The following TBC1D12 variants were observed in gnomAD, a reference collection of about 807,000 sequenced individuals.
TBC1D12 encodes the protein TBC1 domain family, member 12.
A neutral mutation model predicts 86.7 loss-of-function variants in TBC1D12; 56 were observed. That is an observed-to-expected ratio of 0.65 (90% CI 0.52 to 0.81). The LOEUF (loss-of-function observed/expected upper bound fraction) is 0.81, where lower values mean the gene tolerates loss of function less well. TBC1D12 is among the 30% of genes least tolerant of loss of function. The probability of loss-of-function intolerance (pLI) is 0.00; values close to 1 mark genes in which losing one functional copy is unlikely to be tolerated. For synonymous variants in TBC1D12, 421 were observed against 411.7 expected (o/e 1.02, Z -0.27); for missense variants, 1,023 against 1,038.8 (o/e 0.98, Z 0.21).
In TBC1D12 at chr10:94,505,377, A is replaced by G. The variant is rs184060450; in HGVS notation, c.1520-1890A>G. The stretch of plus-strand genomic sequence containing the variant: ...GTGGATCACATGAGGCCAGGAGTTC[A>G]AGACCAGCCTGGCCAACATGGTGAA... On this transcript the variant is annotated intron_variant, in intron 6 of 12. Coordinates refer to ENST00000225235, the MANE Select transcript of TBC1D12 (RefSeq NM_015188.2). Among the ~76,000 whole-genome samples, 33 of 152,248 alleles carry G rather than the reference A, an allele frequency of 2.2e-4. No homozygotes were observed. In the East Asian group the frequency reaches 5.2e-3, roughly 24 times the overall value.
At chr10:94,445,828 A>C (rs1034292724) in intron 2 of TBC1D12, among the ~76,000 whole-genome samples, 1 of 151,728 alleles carries the variant, frequency 6.6e-6, no homozygotes, top group African/African-American at 2.4e-5. Flanking sequence ...GGTGCCTATA[A>C]TTCCAGCTGC....
At chr10:94,489,204 C>G (rs1316600816) in intron 3 of TBC1D12, among the ~76,000 whole-genome samples, 1 of 152,218 alleles carries the variant, frequency 6.6e-6, no homozygotes, top group Non-Finnish European at 1.5e-5. Context: ...GGCGCTTCCC[C>G]TCTGGCTAGT....
At chr10:94,467,390 G>A (rs968264686) in intron 2 of TBC1D12, among the ~76,000 whole-genome samples, 3 of 151,808 alleles carry the variant, frequency 2.0e-5, no homozygotes, top group South Asian at 2.1e-4. Flanking sequence ...GCACCACCAC[G>A]CCCGGCTAAT....
chr10:94,479,855 A>G (rs1254268285), intron 3 of TBC1D12, among the ~76,000 whole-genome samples: 1 of 152,220 alleles, frequency 6.6e-6, no homozygotes, highest in African/African-American at 2.4e-5. Flanking sequence ...GAATTTAAGT[A>G]TGTAAGTAGC....
chr10:94,508,708 T>G (rs951390847), intron 7 of TBC1D12: 1 of 152,178 alleles, frequency 6.6e-6, no homozygotes, highest in African/African-American at 2.4e-5. Context: ...AAATTTATTA[T>G]TATTTTTTTC....
At chr10:94,432,912 T>G (rs1050609722) in intron 1 of TBC1D12, among the ~76,000 whole-genome samples, 1 of 152,100 alleles carries the variant, frequency 6.6e-6, no homozygotes, top group African/African-American at 2.4e-5. Context: ...GTCCAAAATA[T>G]CCTTATAAGT....
In TBC1D12 at chr10:94,402,553, TGG is replaced by T; in HGVS notation, c.-60_-59del. 6.3e-7 allele frequency: 1 copy of T among 1,581,640 alleles called. No homozygotes were observed. The highest frequency in any genetic ancestry group is 8.6e-7 in the Non-Finnish European group (1 of 1,163,690). ...GGCCCCAGCACCCAGAGCTGTTCTC[TGG>T]CCAAGCCTGCGCCTGTAGTCCTTCT... On this transcript the variant is annotated 5_prime_UTR_variant, in exon 1 of 13. Coordinates refer to ENST00000225235, the MANE Select transcript of TBC1D12 (RefSeq NM_015188.2).
At chr10:94,492,202 A>G (rs951028878) in intron 3 of TBC1D12, among the ~76,000 whole-genome samples, 5 of 152,156 alleles carry the variant, frequency 3.3e-5, no homozygotes, top group Non-Finnish European at 7.4e-5. Context: ...ATGTATAGGA[A>G]AAAACCTGGT....
chr10:94,518,531 C>T (rs762050383), intron 9 of TBC1D12, among the ~76,000 whole-genome samples: 30 of 152,238 alleles, frequency 2.0e-4, no homozygotes, highest in African/African-American at 6.5e-4. Context: ...GTTTGCGGAA[C>T]GACCCTCAAC....
rs1023617026 is a variant in TBC1D12, at chr10:94,403,348, G to A, written c.735G>A (p.Glu245=). ...GAGTCGGCGCCGGGGGTCCCGAGGA[G>A]GGCGCGCCCCCTGCCACCTCGGCCG... ...QRGVGAGGPE[E]GAPPATSAER... Residue 245 remains glutamate, a synonymous_variant, in exon 1 of 13, where the codon GAG becomes GAA. Coordinates refer to ENST00000225235, the MANE Select transcript of TBC1D12 (RefSeq NM_015188.2). The A allele has an allele frequency of 6.6e-7, 1 of 1,524,724 alleles. No homozygotes were observed. The highest frequency in any genetic ancestry group is 8.8e-7 in the Non-Finnish European group (1 of 1,136,806). The allele number at this position is 1,524,724 out of a possible 1,614,324, so 94.4% of individuals were successfully genotyped here. A position where few individuals can be genotyped will look rare whatever the true frequency, so the allele number is the denominator to read the frequency against.
chr10:94,501,101 A>AATAG (rs2056390569), intron 6 of TBC1D12, among the ~76,000 whole-genome samples: 1 of 151,098 alleles, frequency 6.6e-6, no homozygotes, highest in Admixed American at 6.6e-5. Flanking sequence ...TGAATGAATA[A>AATAG]ATAAATAAAT....
At position 94,425,274 on chromosome 10, in the gene TBC1D12, G is replaced by A. The variant is rs908425215; in HGVS notation, c.972-16622G>A. On this transcript the variant is annotated intron_variant, in intron 1 of 12. Transcript: ENST00000225235. ...TGCAAAATGAGGGAGTTTTTTTGGCGTGATGGAAGTGTTCTATACCTGAAT... is the reference window on the plus strand; with the variant it reads ...TGCAAAATGAGGGAGTTTTTTTGGCATGATGGAAGTGTTCTATACCTGAAT... Among the ~76,000 whole-genome samples the A allele has an allele frequency of 3.3e-5, 5 of 152,172 alleles. No individual in the cohort carries two copies. The South Asian group carries it at 6.2e-4, about 19-fold the overall frequency.
intron 1 of TBC1D12, among the ~76,000 whole-genome samples, chr10:94,428,970 G>T (rs774212865): frequency 6.6e-6 from 1 of 152,048 alleles, no homozygotes; most frequent in African/African-American, 2.4e-5. Context: ...CTCTCAAAGT[G>T]CTGGCATTAC....
intron 11 of TBC1D12, among the ~76,000 whole-genome samples, chr10:94,523,783 C>T (rs1211251283): frequency 6.6e-6 from 1 of 151,958 alleles, no homozygotes; most frequent in Admixed American, 6.6e-5. Context: ...GGCACCACAG[C>T]AAGACCCCAT....
intron 9 of TBC1D12, among the ~76,000 whole-genome samples, chr10:94,519,225 C>T (rs1030638021): frequency 3.3e-5 from 5 of 152,176 alleles, no homozygotes; most frequent in African/African-American, 1.2e-4. Flanking sequence ...TTAATTCCTT[C>T]TATTTACTTT....
chr10:94,463,684 A>G lies in TBC1D12; in HGVS notation c.1096-10984A>G, dbSNP rs568636904. On this transcript the variant is annotated intron_variant, in intron 2 of 12. Coordinates refer to ENST00000225235, the MANE Select transcript of TBC1D12 (RefSeq NM_015188.2). ...TGTTATGCAATTTTAGTTTTTTTCA[A>G]TTTATTGAGACTTGTTTATGCCCCA... is the stretch of plus-strand genomic sequence containing the variant. Among the ~76,000 whole-genome samples the G allele has an allele frequency of 2.0e-5, 3 of 152,346 alleles. No individual in the cohort carries two copies. The South Asian group carries it at 6.2e-4, about 32-fold the overall frequency.
At chr10:94,412,234 A>G (rs1009814863) in intron 1 of TBC1D12, among the ~76,000 whole-genome samples, 12 of 152,204 alleles carry the variant, frequency 7.9e-5, no homozygotes, top group African/African-American at 2.9e-4. Context: ...TCTTTGTTTT[A>G]ACTATGTGGC....
At chr10:94,452,675 C>T (rs561867363) in intron 2 of TBC1D12, among the ~76,000 whole-genome samples, 1 of 152,222 alleles carries the variant, frequency 6.6e-6, no homozygotes, top group East Asian at 1.9e-4. Context: ...AGTTTATTTA[C>T]CCATTCACCT....
At chr10:94,474,532 C>A in intron 2 of TBC1D12, 136 bp from the exon 3 acceptor site, 1 of 633,632 alleles carries the variant, frequency 1.6e-6, no homozygotes, top group Non-Finnish European at 2.5e-6. Context: ...TTTTTGTCTG[C>A]TTGATATTTT....
Sources: gnomAD v4.1 joint callset for allele counts (sites outside exome capture counted in the v4.1 genomes callset) on GRCh38, gnomAD v4.1.1 for gene constraint, MANE v1.5 for transcripts, NCBI Gene and HGNC (gene_info 2026-07-23, HGNC 2026-07-21) for gene names.